ANO6: variants seen among roughly 807,000 people sequenced by gnomAD.
ANO6 encodes the protein anoctamin 6.
A neutral mutation model predicts 117.5 loss-of-function variants in ANO6; 106 were observed. That is an observed-to-expected ratio of 0.90 (90% CI 0.77 to 1.06). The LOEUF (loss-of-function observed/expected upper bound fraction) is 1.06. Among genes scored for constraint, ANO6 ranks in the 50% least tolerant of loss-of-function variants. The pLI is 0.00. For missense variants in ANO6, 955 were observed against 1,121.1 expected (o/e 0.85, Z 2.12); for synonymous variants, 367 against 385.1 (o/e 0.95, Z 0.55).
chr12:45,217,598 ATAG>A, intron 1 of ANO6, among the ~76,000 whole-genome samples: 1 of 152,326 alleles, frequency 6.6e-6, no homozygotes. Context: ...GAGAGAGCAA[ATAG>A]TAGTAGTTTT....
chr12:45,255,490 T>A (rs909638625), intron 1 of ANO6, among the ~76,000 whole-genome samples: 1 of 152,008 alleles, frequency 6.6e-6, no homozygotes, highest in African/African-American at 2.4e-5. Context: ...AGGGACTCCA[T>A]CTCAAAAAAA....
intron 2 of ANO6, among the ~76,000 whole-genome samples, chr12:45,312,403 T>C (rs1939878041): frequency 6.6e-6 from 1 of 152,012 alleles, no homozygotes; most frequent in South Asian, 2.1e-4. Flanking sequence ...TTGGTGGGCA[T>C]GTACACACAA....
At chr12:45,287,968 A>G (rs1938971350) in intron 1 of ANO6, among the ~76,000 whole-genome samples, 2 of 152,174 alleles carry the variant, frequency 1.3e-5, no homozygotes, top group Admixed American at 1.3e-4. Flanking sequence ...TTATTGGAAA[A>G]TGGCTTATGG....
At chr12:45,377,179 T>A (rs756135948) in intron 9 of ANO6, among the ~76,000 whole-genome samples, 35 of 151,990 alleles carry the variant, frequency 2.3e-4, no homozygotes, top group Middle Eastern at 3.4e-3. Context: ...TTCTACCCAG[T>A]CCCTGTCCTT....
At chr12:45,370,802 G>C (rs1367258941) in intron 9 of ANO6, among the ~76,000 whole-genome samples, 27 of 152,190 alleles carry the variant, frequency 1.8e-4, no homozygotes, top group Non-Finnish European at 1.5e-5. Context: ...CCCAGAGCAG[G>C]CACGCATTTA....
intron 3 of ANO6, among the ~76,000 whole-genome samples, chr12:45,336,647 C>T (rs1021767833): frequency 6.6e-6 from 1 of 151,956 alleles, no homozygotes; most frequent in African/African-American, 2.4e-5. Flanking sequence ...AAAAATATAG[C>T]ACATACAATC....
At chr12:45,323,549 A>T (rs1295749813) in intron 2 of ANO6, among the ~76,000 whole-genome samples, 1 of 152,200 alleles carries the variant, frequency 6.6e-6, no homozygotes, top group Non-Finnish European at 1.5e-5. Flanking sequence ...GCTCACATTT[A>T]TTGAGCTTTT....
chr12:45,293,040 T>G (rs1463060471), intron 1 of ANO6: 2 of 1,493,636 alleles, frequency 1.3e-6, no homozygotes, highest in Non-Finnish European at 1.8e-6. Flanking sequence ...TGATGAGTAT[T>G]TGGTCTTGAA....
chr12:45,306,622 A>C (rs751280066), intron 2 of ANO6, among the ~76,000 whole-genome samples: 4 of 152,168 alleles, frequency 2.6e-5, no homozygotes, highest in Non-Finnish European at 5.9e-5. Context: ...ATTTTTGATT[A>C]TCTTCAACCA....
chr12:45,373,370 A>G (rs1941902778), intron 9 of ANO6, among the ~76,000 whole-genome samples: 1 of 151,482 alleles, frequency 6.6e-6, no homozygotes, highest in Non-Finnish European at 1.5e-5. Flanking sequence ...CCTAATAGAC[A>G]TCTACAGAAT....
intron 2 of ANO6, among the ~76,000 whole-genome samples, chr12:45,326,874 G>C (rs573069021): frequency 6.6e-6 from 1 of 152,174 alleles, no homozygotes; most frequent in Non-Finnish European, 1.5e-5. Flanking sequence ...GCACCATCCA[G>C]GGATGCATAG....
intron 1 of ANO6, among the ~76,000 whole-genome samples, chr12:45,244,670 C>T (rs1265909465): frequency 2.0e-5 from 3 of 152,112 alleles, no homozygotes; most frequent in Non-Finnish European, 4.4e-5. Context: ...CTAGCTGACA[C>T]TGCTGCGTTT....
At chr12:45,362,864 TG>T (rs1288921236) in intron 8 of ANO6, among the ~76,000 whole-genome samples, 1 of 152,228 alleles carries the variant, frequency 6.6e-6, no homozygotes, top group Non-Finnish European at 1.5e-5. Context: ...TACAACTTAA[TG>T]CATTATAAGC....
chr12:45,424,983 GA>G (rs1346512775), intron 19 of ANO6, among the ~76,000 whole-genome samples: 2 of 152,100 alleles, frequency 1.3e-5, no homozygotes, highest in East Asian at 3.9e-4. Context: ...GGTTCAGCAG[GA>G]AACAACTGAT....
chr12:45,419,552 A>G (rs2043650773), intron 17 of ANO6, among the ~76,000 whole-genome samples: 1 of 152,228 alleles, frequency 6.6e-6, no homozygotes, highest in Non-Finnish European at 1.5e-5. Context: ...TTTGTAATAG[A>G]AAAGCCCCCT....
chr12:45,255,818 G>GGTTTTTTTTTTTTTTTTTTTTTTTT (rs749001458), intron 1 of ANO6, among the ~76,000 whole-genome samples: 8 of 81,710 alleles, frequency 9.8e-5, no homozygotes, highest in African/African-American at 3.2e-4. Context: ...CTCCCTGGGT[G>GGTTTTTTTTTTTTTTTTTTTTTTTT]TTTTTTTTTT....
chr12:45,247,811 C>G (rs756193160), intron 1 of ANO6, among the ~76,000 whole-genome samples: 1 of 152,216 alleles, frequency 6.6e-6, no homozygotes, highest in African/African-American at 2.4e-5. Context: ...TTGACCTCAT[C>G]TAATCCCAAT....
intron 11 of ANO6, among the ~76,000 whole-genome samples, chr12:45,389,123 A>G (rs543299547): frequency 6.6e-6 from 1 of 152,326 alleles, no homozygotes; most frequent in African/African-American, 2.4e-5. Flanking sequence ...AGTGTTCCCA[A>G]CTATAGGTTT....
chr12:45,221,606 G>A (rs1157486773), intron 1 of ANO6, among the ~76,000 whole-genome samples: 1 of 152,180 alleles, frequency 6.6e-6, no homozygotes, highest in Non-Finnish European at 1.5e-5. Flanking sequence ...ATGGTAGCAC[G>A]TTCTAAAATG....
Sources: gnomAD v4.1 joint callset for allele counts (sites outside exome capture counted in the v4.1 genomes callset) on GRCh38, gnomAD v4.1.1 for gene constraint, MANE v1.5 for transcripts, NCBI Gene and HGNC (gene_info 2026-07-23, HGNC 2026-07-21) for gene names.